TMEM132D: variants seen among roughly 807,000 people sequenced by gnomAD.
TMEM132D encodes the protein transmembrane protein 132D.
Under a neutral mutation model 62.3 loss-of-function variants are expected in TMEM132D, and 21 were observed. The ratio of observed to expected loss-of-function variants is 0.34; its 90% CI spans 0.24 to 0.49. TMEM132D has a LOEUF of 0.49. TMEM132D is among the 20% of genes least tolerant of loss of function. The pLI is 0.99. For missense variants in TMEM132D, 1,346 were observed against 1,402.8 expected, an observed-to-expected ratio of 0.96 and a Z score of 0.65; for synonymous variants, 621 against 575.6, an observed-to-expected ratio of 1.08 and a Z score of -1.13.
chr12:129,233,186 T>C (rs1221110183), intron 4 of TMEM132D, among the ~76,000 whole-genome samples: 3 of 152,224 alleles, frequency 2.0e-5, no homozygotes, highest in South Asian at 4.1e-4. Context: ...ATTGTCCATC[T>C]CCTGTTTTAG....
intron 5 of TMEM132D, among the ~76,000 whole-genome samples, chr12:129,185,202 A>C (rs907409073): frequency 6.6e-6 from 1 of 152,246 alleles, no homozygotes; most frequent in African/African-American, 2.4e-5. Context: ...GAACTACAGC[A>C]GAGATGAACA....
intron 3 of TMEM132D, among the ~76,000 whole-genome samples, chr12:129,383,315 A>G (rs1260340441): frequency 6.6e-6 from 1 of 152,188 alleles, no homozygotes; most frequent in Non-Finnish European, 1.5e-5. Context: ...GCTCACTAGA[A>G]AGGCTGAAGA....
chr12:129,748,209 C>CA (rs1351405792), intron 1 of TMEM132D, among the ~76,000 whole-genome samples: 17 of 152,136 alleles, frequency 1.1e-4, no homozygotes, highest in Admixed American at 6.5e-4. Flanking sequence ...GAGAATGATA[C>CA]AAAAAGGCAT....
At chr12:129,378,337 C>T (rs1389536284) in intron 3 of TMEM132D, among the ~76,000 whole-genome samples, 1 of 152,218 alleles carries the variant, frequency 6.6e-6, no homozygotes, top group Non-Finnish European at 1.5e-5. Flanking sequence ...ATCAAAGCAA[C>T]ACTACTTTCA....
chr12:129,505,321 C>T (rs911656398), intron 3 of TMEM132D, among the ~76,000 whole-genome samples: 5 of 151,848 alleles, frequency 3.3e-5, no homozygotes, highest in Admixed American at 2.0e-4. Context: ...TGGCTCACTG[C>T]AAGCTCCGCC....
chr12:129,469,724 A>G (rs1874038164), intron 3 of TMEM132D, among the ~76,000 whole-genome samples: 1 of 152,354 alleles, frequency 6.6e-6, no homozygotes, highest in Middle Eastern at 3.4e-3. Context: ...TTTAGAAAAC[A>G]GAATGGACAG....
At chr12:129,392,721 C>G (rs574000561) in intron 3 of TMEM132D, among the ~76,000 whole-genome samples, 1 of 152,344 alleles carries the variant, frequency 6.6e-6, no homozygotes, top group South Asian at 2.1e-4. Flanking sequence ...TCCCCCAACC[C>G]TCACCCCAGT....
intron 1 of TMEM132D, among the ~76,000 whole-genome samples, chr12:129,848,888 C>G (rs1306027503): frequency 6.6e-6 from 1 of 152,178 alleles, no homozygotes; most frequent in Non-Finnish European, 1.5e-5. Flanking sequence ...ATCTGTCCTA[C>G]TCATCTTCCT....
chr12:129,629,627 C>T (rs1297507180), intron 2 of TMEM132D, among the ~76,000 whole-genome samples: 1 of 151,742 alleles, frequency 6.6e-6, no homozygotes, highest in Non-Finnish European at 1.5e-5. Flanking sequence ...CGTGGTGTTG[C>T]ATTTTACTTA....
At chr12:129,115,460 T>C (rs1311264385) in intron 5 of TMEM132D, among the ~76,000 whole-genome samples, 1 of 152,174 alleles carries the variant, frequency 6.6e-6, no homozygotes, top group Admixed American at 6.5e-5. Context: ...AGGCACTGCT[T>C]GTTCAGGTGC....
chr12:129,219,942 A>C (rs1376876194), intron 4 of TMEM132D, among the ~76,000 whole-genome samples: 1 of 151,264 alleles, frequency 6.6e-6, no homozygotes, highest in African/African-American at 2.4e-5. Context: ...CAACATTCTT[A>C]CTCTCTTCCT....
intron 3 of TMEM132D, among the ~76,000 whole-genome samples, chr12:129,356,060 T>A (rs1328047864): frequency 5.3e-5 from 8 of 152,274 alleles, no homozygotes; most frequent in African/African-American, 1.7e-4. Context: ...CCTGAGCATT[T>A]ACTGGGTTCT....
At chr12:129,698,928 A>G (rs1216407519) in intron 2 of TMEM132D, among the ~76,000 whole-genome samples, 2 of 152,146 alleles carry the variant, frequency 1.3e-5, no homozygotes, top group Non-Finnish European at 2.9e-5. Flanking sequence ...CATGTCTTAC[A>G]TACAGTTACA....
chr12:129,443,373 T>C (rs909986437), intron 3 of TMEM132D, among the ~76,000 whole-genome samples: 1 of 152,250 alleles, frequency 6.6e-6, no homozygotes, highest in Non-Finnish European at 1.5e-5. Context: ...ATTTGAACTG[T>C]TAAGTCCCAT....
chr12:129,751,051 T>A (rs895128205), intron 1 of TMEM132D, among the ~76,000 whole-genome samples: 17 of 152,190 alleles, frequency 1.1e-4, no homozygotes, highest in Admixed American at 7.9e-4. Context: ...TGGGCCCACA[T>A]TTCCTCATTG....
chr12:129,736,368 G>A (rs2137255922), intron 1 of TMEM132D, among the ~76,000 whole-genome samples: 1 of 152,208 alleles, frequency 6.6e-6, no homozygotes, highest in Admixed American at 6.5e-5. Context: ...AATGTATTTT[G>A]TATCTGAAAT....
chr12:129,396,752 TAA>T (rs1385346601), intron 3 of TMEM132D, among the ~76,000 whole-genome samples: 1 of 152,196 alleles, frequency 6.6e-6, no homozygotes, highest in Admixed American at 6.5e-5. Context: ...ACACTCCACA[TAA>T]AGGCATGGCA....
At chr12:129,871,987 C>G (rs916796278) in intron 1 of TMEM132D, among the ~76,000 whole-genome samples, 1 of 152,196 alleles carries the variant, frequency 6.6e-6, no homozygotes, top group Non-Finnish European at 1.5e-5. Context: ...TGGGTCCACA[C>G]TCCCCAGCGA....
intron 5 of TMEM132D, among the ~76,000 whole-genome samples, chr12:129,146,586 G>C (rs1876905610): frequency 6.6e-6 from 1 of 152,032 alleles, no homozygotes; most frequent in Non-Finnish European, 1.5e-5. Flanking sequence ...TTCGTAATCT[G>C]GTCACACATT....
Sources: gnomAD v4.1 joint callset for allele counts (sites outside exome capture counted in the v4.1 genomes callset) on GRCh38, gnomAD v4.1.1 for gene constraint, MANE v1.5 for transcripts, NCBI Gene and HGNC (gene_info 2026-07-23, HGNC 2026-07-21) for gene names.